ARHGEF4: variants seen among roughly 807,000 people sequenced by gnomAD.
The protein encoded by ARHGEF4 is Rho guanine nucleotide exchange factor 4.
ARHGEF4 carries 119 observed loss-of-function variants against 162.0 expected under a neutral mutation model. That is an observed-to-expected ratio of 0.73 (90% CI 0.63 to 0.86). The LOEUF (loss-of-function observed/expected upper bound fraction) is 0.86. Among genes scored for constraint, ARHGEF4 ranks in the 40% least tolerant of loss-of-function variants. The pLI is 0.00. For missense variants in ARHGEF4, 2,488 were observed against 2,456.0 expected (o/e 1.01, Z -0.28); for synonymous variants, 1,014 against 979.9 (o/e 1.03, Z -0.65).
chr2:131,001,643 C>G (rs1403212656), intron 4 of ARHGEF4, among the ~76,000 whole-genome samples: 12 of 152,076 alleles, frequency 7.9e-5, no homozygotes, highest in Admixed American at 7.9e-4. Flanking sequence ...ACATGATTCT[C>G]TATGTATCCT....
At chr2:130,902,562 C>T (rs1274542299) in intron 1 of ARHGEF4, among the ~76,000 whole-genome samples, 12 of 151,432 alleles carry the variant, frequency 7.9e-5, no homozygotes, top group African/African-American at 2.9e-4. Flanking sequence ...CCACTGCACT[C>T]CAGCCTGAGC....
At chr2:130,848,526 A>T (rs1038905747) in intron 1 of ARHGEF4, among the ~76,000 whole-genome samples, 5 of 152,226 alleles carry the variant, frequency 3.3e-5, no homozygotes, top group Non-Finnish European at 5.9e-5. Context: ...CCCTCCCCAC[A>T]TGGGTGTGCA....
intron 1 of ARHGEF4, among the ~76,000 whole-genome samples, chr2:130,841,712 A>G (rs1680623887): frequency 1.3e-5 from 2 of 152,174 alleles, no homozygotes; most frequent in Non-Finnish European, 2.9e-5. Flanking sequence ...CGGCTGGGGC[A>G]GGTCCTTTTG....
At chr2:131,028,858 C>T (rs974022138) in intron 5 of ARHGEF4, among the ~76,000 whole-genome samples, 1 of 152,224 alleles carries the variant, frequency 6.6e-6, no homozygotes, top group Admixed American at 6.5e-5. Context: ...TAAAACTGGA[C>T]TCTGACAACC....
intron 4 of ARHGEF4, among the ~76,000 whole-genome samples, chr2:130,956,728 C>A (rs1176003519): frequency 1.3e-5 from 2 of 150,322 alleles, no homozygotes; most frequent in Non-Finnish European, 2.9e-5. Context: ...GGACAAAAAA[C>A]CAAACACCAC....
intron 4 of ARHGEF4, among the ~76,000 whole-genome samples, chr2:130,984,494 C>T (rs929035995): frequency 6.6e-6 from 1 of 152,092 alleles, no homozygotes; most frequent in South Asian, 2.1e-4. Context: ...AGTTCAAGAC[C>T]AGCCTGGCAA....
At chr2:130,976,777 C>T (rs930796104) in intron 4 of ARHGEF4, among the ~76,000 whole-genome samples, 5 of 152,190 alleles carry the variant, frequency 3.3e-5, no homozygotes, top group African/African-American at 1.2e-4. Context: ...ATCAGAAAGC[C>T]AAGCACAGCC....
chr2:130,967,403 G>A (rs1685076152), intron 4 of ARHGEF4, among the ~76,000 whole-genome samples: 1 of 152,182 alleles, frequency 6.6e-6, no homozygotes, highest in Non-Finnish European at 1.5e-5. Flanking sequence ...CTGGTACTCA[G>A]CTGAAGCTTT....
intron 4 of ARHGEF4, among the ~76,000 whole-genome samples, chr2:130,957,140 G>A (rs1418777850): frequency 2.6e-5 from 4 of 151,162 alleles, no homozygotes; most frequent in Admixed American, 2.0e-4. Context: ...ATAGTTTTTT[G>A]TTTTTTACAT....
intron 4 of ARHGEF4, among the ~76,000 whole-genome samples, chr2:131,002,057 G>A (rs1687804195): frequency 6.6e-6 from 1 of 152,112 alleles, no homozygotes; most frequent in South Asian, 2.1e-4. Flanking sequence ...TTTTTTGTAT[G>A]TTTAGTTTAC....
In ARHGEF4 at chr2:131,046,206, C is replaced by T. The variant is rs773674874; in HGVS notation, c.*17C>T. The stretch of plus-strand genomic sequence containing the variant: ...CGCAAGTGAACTGGTCCCTGCCTGA[C>T]AGCACCTGCTGGGCCTTCCTGCCAG... On this transcript the variant is annotated 3_prime_UTR_variant, in exon 14 of 14. Transcript: ENST00000409359. 6.9e-6 allele frequency: 11 copies of T among 1,601,182 alleles called. No individual in the cohort carries two copies. In the Admixed American group the frequency reaches 1.7e-4, roughly 25 times the overall value.
intron 4 of ARHGEF4, among the ~76,000 whole-genome samples, chr2:130,987,829 T>G (rs1686625374): frequency 6.6e-6 from 1 of 152,202 alleles, no homozygotes; most frequent in African/African-American, 2.4e-5. Context: ...GGATTAATGC[T>G]CTAAGCATCA....
At chr2:131,031,070 T>C (rs972752126) in intron 5 of ARHGEF4, among the ~76,000 whole-genome samples, 1 of 152,182 alleles carries the variant, frequency 6.6e-6, no homozygotes, top group African/African-American at 2.4e-5. Flanking sequence ...AAATCACACA[T>C]TCACTTCTAT....
chr2:130,946,780 G>T, intron 4 of ARHGEF4, 145 bp downstream of exon 4: 3 of 1,188,202 alleles, frequency 2.5e-6, no homozygotes, highest in Non-Finnish European at 3.5e-6. Context: ...TCTTCCTTCA[G>T]TTAGGGAGGA....
At chr2:130,990,121 G>T (rs1686842935) in intron 4 of ARHGEF4, among the ~76,000 whole-genome samples, 1 of 152,124 alleles carries the variant, frequency 6.6e-6, no homozygotes, top group Non-Finnish European at 1.5e-5. Context: ...TGAAGTTTTT[G>T]AACAAATTCT....
intron 1 of ARHGEF4, among the ~76,000 whole-genome samples, chr2:130,893,667 CT>C (rs1285158202): frequency 5.9e-5 from 9 of 152,262 alleles, no homozygotes; most frequent in African/African-American, 1.9e-4. Context: ...CCTACTTTGC[CT>C]TCAGGACAGT....
intron 3 of ARHGEF4, among the ~76,000 whole-genome samples, chr2:130,940,469 G>A (rs999670804): frequency 6.6e-6 from 1 of 151,398 alleles, no homozygotes; most frequent in African/African-American, 2.4e-5. Context: ...CTAATTTTTT[G>A]TATTTTTAGT....
intron 9 of ARHGEF4, 37 bp downstream of exon 9, chr2:131,041,499 T>G (rs1373128125): frequency 2.5e-6 from 4 of 1,574,584 alleles, no homozygotes; most frequent in Non-Finnish European, 8.7e-7. Flanking sequence ...AGCCCACGCC[T>G]CTGCATGCCT....
At position 130,914,926 on chromosome 2, in the gene ARHGEF4, A is replaced by G; in HGVS notation, c.980A>G (p.Asn327Ser). The G allele has an allele frequency of 6.5e-7, 1 of 1,538,168 alleles. No homozygotes were observed. The highest frequency in any genetic ancestry group is 8.8e-7 in the Non-Finnish European group (1 of 1,139,970). The change falls in exon 2 of 14, where the codon AAC (asparagine) becomes AGC (serine). Residue 327 changes from asparagine to serine, a missense_variant. Around this residue, in one of 6 missense-constraint regions of ARHGEF4, gnomAD observed 1,642 missense variants for 1,481.5 expected, o/e 1.11. Transcript: ENST00000409359. Reference protein sequence around the residue: ...GDKNRASPRLNCGHMRALVRA... With the variant: ...GDKNRASPRLSCGHMRALVRA... Reference sequence around the variant, plus strand: ...AAGAACAGGGCATCCCCCAGACTCAACTGTGGGCACATGAGGGCACTGGTC... The same window carrying G: ...AAGAACAGGGCATCCCCCAGACTCAGCTGTGGGCACATGAGGGCACTGGTC...
Sources: gnomAD v4.1 joint callset for allele counts (sites outside exome capture counted in the v4.1 genomes callset) on GRCh38, gnomAD v4.1.1 for gene constraint, gnomAD v4.1.1 regional missense constraint, MANE v1.5 for transcripts, NCBI Gene and HGNC (gene_info 2026-07-23, HGNC 2026-07-21) for gene names.